RLF: variants seen among roughly 807,000 people sequenced by gnomAD.
RLF encodes zinc finger protein Rlf.
A neutral mutation model predicts 162.9 loss-of-function variants in RLF; 7 were observed. The observed-to-expected ratio is 0.04, with a 90% CI of 0.02 to 0.08. The LOEUF (loss-of-function observed/expected upper bound fraction) is 0.08. RLF is among the 10% of genes least tolerant of loss of function. The pLI is 1.00. For missense variants in RLF, 1,664 were observed against 2,244.7 expected (o/e 0.74, Z 5.23); for synonymous variants, 782 against 791.5 (o/e 0.99, Z 0.20).
intron 1 of RLF, among the ~76,000 whole-genome samples, chr1:40,173,175 C>G (rs1642271397): frequency 6.7e-6 from 1 of 149,406 alleles, no homozygotes; most frequent in Admixed American, 6.7e-5. Flanking sequence ...CTCCCGGGTT[C>G]AAGCGATTCT....
At chr1:40,199,013 G>A (rs979703458) in intron 4 of RLF, among the ~76,000 whole-genome samples, 7 of 152,170 alleles carry the variant, frequency 4.6e-5, no homozygotes, top group Admixed American at 6.5e-5. Context: ...ATAGCTTACC[G>A]CATAGAAATA....
At chr1:40,229,254 T>C (rs1643121770) in intron 6 of RLF, among the ~76,000 whole-genome samples, 1 of 152,132 alleles carries the variant, frequency 6.6e-6, no homozygotes. Flanking sequence ...AAAGCAATTG[T>C]GTGTTTAAAA....
chr1:40,240,537 C>T lies in RLF; in HGVS notation c.*90C>T, dbSNP rs1202692245. 1.1e-6 allele frequency: 1 copy of T among 916,472 alleles called. No homozygotes were observed. The highest frequency in any genetic ancestry group is 2.4e-5 in the East Asian group (1 of 40,894). 56.8% of individuals were successfully genotyped at this position (916,472 alleles called of 1,614,324 possible). Reference sequence around the variant, plus strand: ...GAACAAAGGCTGAGAAGCAGCCACACCGTTGTTTAGGGTAGAATAGGCTGT... The same window carrying T: ...GAACAAAGGCTGAGAAGCAGCCACATCGTTGTTTAGGGTAGAATAGGCTGT... On this transcript the variant is annotated 3_prime_UTR_variant, in exon 8 of 8. Coordinates refer to ENST00000372771, the MANE Select transcript of RLF (RefSeq NM_012421.4).
chr1:40,171,087 T>A (rs1309890592), intron 1 of RLF, among the ~76,000 whole-genome samples: 1 of 152,166 alleles, frequency 6.6e-6, no homozygotes, highest in Non-Finnish European at 1.5e-5. Flanking sequence ...AATGCAGTGG[T>A]ACAATCTTAG....
intron 5 of RLF, among the ~76,000 whole-genome samples, chr1:40,221,638 C>T (rs767236504): frequency 2.0e-5 from 3 of 151,016 alleles, no homozygotes; most frequent in African/African-American, 4.9e-5. Flanking sequence ...CGGTGGCTCA[C>T]GACTGTAATC....
chr1:40,171,010 T>TTTTG (rs138268620), intron 1 of RLF, among the ~76,000 whole-genome samples: 540 of 151,404 alleles, frequency 3.6e-3, no homozygotes, highest in African/African-American at 0.01. Context: ...TTGATAGTGT[T>TTTTG]TTTGTTTGTT....
At chr1:40,191,792 TTACAC>T (rs1329165758) in intron 3 of RLF, among the ~76,000 whole-genome samples, 1 of 152,200 alleles carries the variant, frequency 6.6e-6, no homozygotes, top group Admixed American at 6.5e-5. Flanking sequence ...AATCACTGCT[TTACAC>T]TACATTTTAC....
intron 5 of RLF, among the ~76,000 whole-genome samples, chr1:40,214,524 T>G (rs1642899341): frequency 6.6e-6 from 1 of 151,868 alleles, no homozygotes; most frequent in Admixed American, 6.6e-5. Context: ...GATTTGGGGG[T>G]TTTACAAATA....
chr1:40,195,322 G>A (rs952875217), intron 3 of RLF, among the ~76,000 whole-genome samples: 1 of 151,738 alleles, frequency 6.6e-6, no homozygotes, highest in Non-Finnish European at 1.5e-5. Flanking sequence ...GGTGACAGAC[G>A]CCTGTAATTC....
rs139578438 is a variant in RLF, at chr1:40,230,587, C to T, written c.948-930C>T. 4.3e-3 allele frequency among the ~76,000 whole-genome samples: 654 copies of T among 152,198 alleles called. 7 individuals carry two copies. The highest frequency in any genetic ancestry group is 0.015 in the African/African-American group (625 of 41,486). On this transcript the variant is annotated intron_variant, in intron 6 of 7. Transcript: ENST00000372771. ...AGCTGGGATTACAGGCATCCACCAC[C>T]ACACTCAGCTAAGTTTTATATTTGT...
rs932534027 is a variant in RLF at position 40,237,465 on chromosome 1, T to A, written c.2763T>A (p.Thr921=). The A allele has an allele frequency of 5.0e-6, 8 of 1,613,960 alleles. No homozygotes were observed. The highest frequency in any genetic ancestry group is 6.8e-6 in the Non-Finnish European group (8 of 1,179,980). Residue 921 remains threonine, a synonymous_variant, in exon 8 of 8, where the codon ACT becomes ACA. Coordinates refer to ENST00000372771, the MANE Select transcript of RLF (RefSeq NM_012421.4). The surrounding 1 kb of genome is among the most constrained non-coding windows in gnomAD (Gnocchi z 4.4). ...ELIDTLDHSE[T]MQDVLLSNEK... is the part of the protein sequence containing the mutation. The stretch of plus-strand genomic sequence containing the variant: ...TTGACACACTAGATCACTCTGAAAC[T>A]ATGCAGGATGTATTGTTATCTAATG...
intron 1 of RLF, among the ~76,000 whole-genome samples, chr1:40,178,644 T>G (rs1246676466): frequency 2.7e-5 from 4 of 148,934 alleles, no homozygotes; most frequent in Non-Finnish European, 4.5e-5. Context: ...TTTTTTTTTT[T>G]TTTTGGAGAG....
At chr1:40,218,766 A>T (rs1269781965) in intron 5 of RLF, among the ~76,000 whole-genome samples, 1 of 152,176 alleles carries the variant, frequency 6.6e-6, no homozygotes, top group Admixed American at 6.5e-5. Flanking sequence ...TCATTCTAAC[A>T]AATAGTTATT....
chr1:40,225,533 C>CGG (rs1381469866), intron 6 of RLF, among the ~76,000 whole-genome samples: 2 of 138,630 alleles, frequency 1.4e-5, no homozygotes, highest in South Asian at 2.3e-4. Flanking sequence ...GAGCTGAGAT[C>CGG]GTGCCACTGC....
intron 6 of RLF, among the ~76,000 whole-genome samples, chr1:40,225,919 G>C (rs1643066200): frequency 1.3e-5 from 2 of 148,830 alleles, no homozygotes. Flanking sequence ...GATGGTAGTG[G>C]TACGCACCTA....
chr1:40,194,404 T>C (rs61780456), intron 3 of RLF, among the ~76,000 whole-genome samples: 7,898 of 152,024 alleles, frequency 0.052, 599 homozygotes, highest in African/African-American at 0.17. Flanking sequence ...TTTGGGAGGC[T>C]GAGGCAGGTG....
At chr1:40,234,903 A>G (rs1643197506) in intron 7 of RLF, among the ~76,000 whole-genome samples, 1 of 152,138 alleles carries the variant, frequency 6.6e-6, no homozygotes, top group Non-Finnish European at 1.5e-5. Context: ...CCATAGCAAG[A>G]TTTCTGATTT....
chr1:40,225,826 G>A (rs985932554), intron 6 of RLF, among the ~76,000 whole-genome samples: 4 of 140,884 alleles, frequency 2.8e-5, no homozygotes, highest in Non-Finnish European at 6.0e-5. Flanking sequence ...GCAGTGAGCC[G>A]AGATCGGGCG....
intron 1 of RLF, chr1:40,177,955 A>T (rs955408255): frequency 6.5e-6 from 1 of 153,594 alleles, no homozygotes; most frequent in East Asian, 1.8e-4. Context: ...TTTTTCAGGG[A>T]GTCTCAGGCC....
Sources: allele counts gnomAD v4.1 joint callset (sites outside exome capture counted in the v4.1 genomes callset), GRCh38; gene constraint gnomAD v4.1.1; non-coding constraint Gnocchi (gnomAD v3.1); transcripts MANE v1.5; gene names NCBI Gene and HGNC (gene_info 2026-07-23, HGNC 2026-07-21).